EPHA7: variants seen among roughly 807,000 people sequenced by gnomAD.
EPHA7 encodes the protein EPH receptor A7, also known as ephrin type-A receptor 7.
EPHA7 carries 25 observed loss-of-function variants against 112.6 expected under a neutral mutation model. The observed-to-expected ratio is 0.22, with a 90% confidence interval of 0.16 to 0.31. The LOEUF (loss-of-function observed/expected upper bound fraction) is 0.31, where lower values mean the gene tolerates loss of function less well. Among genes scored for constraint, EPHA7 ranks in the 10% least tolerant of loss-of-function variants. EPHA7 has a pLI of 1.00. For missense variants in EPHA7, 962 were observed against 1,212.6 expected, an observed-to-expected ratio of 0.79 and a Z score of 3.07; for synonymous variants, 437 against 406.5, an observed-to-expected ratio of 1.07 and a Z score of -0.90.
rs199838108 is a variant in EPHA7, at chr6:93,342,183, A to AT, written c.1324+14533dup. Among the ~76,000 whole-genome samples the AT allele has an allele frequency of 2.4e-3, 370 of 152,000 alleles. 10 individuals carry two copies. In the East Asian group the frequency reaches 0.066, roughly 27 times the overall value. On this transcript the variant is annotated intron_variant, in intron 5 of 16. Transcript: ENST00000369303. ...TCAGGTGACAGATAAATCAAAAGGC[A>AT]TTTTTTAAAAAGCCTACAGGTTAAC...
intron 1 of EPHA7, among the ~76,000 whole-genome samples, chr6:93,417,721 G>A (rs1779310354): frequency 6.6e-6 from 1 of 152,088 alleles, no homozygotes; most frequent in Admixed American, 6.5e-5. Flanking sequence ...CTAACGTCAG[G>A]GGAGTAGAAA....
intron 5 of EPHA7, among the ~76,000 whole-genome samples, chr6:93,286,197 T>A (rs1358478927): frequency 6.6e-6 from 1 of 152,106 alleles, no homozygotes. Context: ...AAATGTATTC[T>A]ACAGATGGGC....
chr6:93,275,425 A>G (rs1336847373), intron 5 of EPHA7, among the ~76,000 whole-genome samples: 1 of 151,998 alleles, frequency 6.6e-6, no homozygotes, highest in Non-Finnish European at 1.5e-5. Flanking sequence ...TAGAGTTTCT[A>G]GAAGTATTCA....
Position 93,240,235 on chromosome 6 carries a change from T to A in EPHA7, c.*3191A>T, listed in dbSNP as rs969617412. ...AGCACATCTCGCCCCGAGTTCCCCA[T>A]GATTTCTCCACATATAGCAAAAAAA... On this transcript the variant is annotated 3_prime_UTR_variant, in exon 17 of 17. Coordinates refer to ENST00000369303, the MANE Select transcript of EPHA7 (RefSeq NM_004440.4). 8.9e-6 allele frequency: 2 copies of A among 223,994 alleles called. No individual in the cohort carries two copies. Among genetic ancestry groups the A allele is most frequent in the Non-Finnish European group, 1.8e-5 (2 of 112,350 alleles). The allele number at this position is 223,994 out of a possible 1,614,324, so 13.9% of individuals were successfully genotyped here.
intron 5 of EPHA7, among the ~76,000 whole-genome samples, chr6:93,299,651 A>G (rs1772869254): frequency 6.6e-6 from 1 of 152,224 alleles, no homozygotes; most frequent in South Asian, 2.1e-4. Flanking sequence ...CCAGAGGAAT[A>G]TAAATCTTTC....
intron 3 of EPHA7, among the ~76,000 whole-genome samples, chr6:93,393,970 A>G (rs929806114): frequency 3.3e-5 from 5 of 151,802 alleles, no homozygotes; most frequent in Admixed American, 1.3e-4. Flanking sequence ...GTTAAACTAG[A>G]CTGTGTAGAT....
intron 5 of EPHA7, among the ~76,000 whole-genome samples, chr6:93,301,735 A>G (rs1373268149): frequency 6.6e-6 from 1 of 152,182 alleles, no homozygotes; most frequent in Non-Finnish European, 1.5e-5. Flanking sequence ...CTATACTTAC[A>G]GCATAGTGAA....
chr6:93,350,740 C>T (rs1329593774), intron 5 of EPHA7, among the ~76,000 whole-genome samples: 3 of 151,946 alleles, frequency 2.0e-5, no homozygotes, highest in East Asian at 3.9e-4. Flanking sequence ...TAACACTAGG[C>T]AGGAATTTTT....
intron 3 of EPHA7, among the ~76,000 whole-genome samples, chr6:93,405,799 GTGTGTGTGTGTGTGTA>G (rs1281967710): frequency 1.9e-4 from 13 of 68,866 alleles, no homozygotes; most frequent in East Asian, 1.0e-3. Flanking sequence ...GTGTGTGTGT[GTGTGTGTGTGTGTGTA>G]TATATATATA....
At chr6:93,309,775 A>G (rs1025966396) in intron 5 of EPHA7, among the ~76,000 whole-genome samples, 5 of 152,188 alleles carry the variant, frequency 3.3e-5, no homozygotes, top group Non-Finnish European at 7.4e-5. Flanking sequence ...AGAGACTAGC[A>G]AGTAAAAGCA....
chr6:93,405,850 T>TATATATATAA (rs1469158388), intron 3 of EPHA7, among the ~76,000 whole-genome samples: 13 of 121,338 alleles, frequency 1.1e-4, no homozygotes, highest in Non-Finnish European at 1.8e-4. Context: ...TATATATATA[T>TATATATATAA]AAATGATTAT....
intron 3 of EPHA7, among the ~76,000 whole-genome samples, chr6:93,372,643 C>G (rs1776858602): frequency 6.6e-6 from 1 of 152,030 alleles, no homozygotes. Flanking sequence ...ATTGTTATTT[C>G]CATTACATCT....
Position 93,382,721 on chromosome 6 carries a change from T to A in EPHA7, c.833-24310A>T, listed in dbSNP as rs546146865. ...AGCGATACAATGAGATCCTACTCGC[T>A]CCATGTGGGTGTCCGTGAAAAACTC... On this transcript the variant is annotated intron_variant, in intron 3 of 16. Transcript: ENST00000369303. Among the ~76,000 whole-genome samples, 5 of 152,212 alleles carry A rather than the reference T, an allele frequency of 3.3e-5. No homozygotes were observed. In the South Asian group the frequency reaches 1.0e-3, roughly 32 times the overall value.
chr6:93,353,637 C>T (rs1299592972), intron 5 of EPHA7, among the ~76,000 whole-genome samples: 2 of 152,138 alleles, frequency 1.3e-5, no homozygotes, highest in African/African-American at 4.8e-5. Context: ...TTGCTATTCA[C>T]TGCATTAGCA....
At chr6:93,393,288 G>A (rs536123933) in intron 3 of EPHA7, among the ~76,000 whole-genome samples, 25 of 151,902 alleles carry the variant, frequency 1.6e-4, no homozygotes, top group Non-Finnish European at 3.5e-4. Context: ...GTGACTTTAG[G>A]AATTGTTTGG....
chr6:93,392,199 T>A (rs1489136444), intron 3 of EPHA7, among the ~76,000 whole-genome samples: 2 of 151,896 alleles, frequency 1.3e-5, no homozygotes, highest in Non-Finnish European at 2.9e-5. Context: ...ACTCCAGAGA[T>A]CTGCAGGCGT....
intron 7 of EPHA7, among the ~76,000 whole-genome samples, chr6:93,265,976 C>T (rs575347868): frequency 6.6e-6 from 1 of 151,656 alleles, no homozygotes; most frequent in Admixed American, 6.6e-5. Context: ...TGTTGAAAAA[C>T]AGGAAAAATC....
At position 93,359,876 on chromosome 6, in the gene EPHA7, GATAGATAGATAGATAGATAGAT is replaced by G. The variant is rs1300351657; in HGVS notation, c.833-1487_833-1466del. ...TGATAGAGAGAGAGAGAGAGAGAGA[GATAGATAGATAGATAGATAGAT>G]AGATAGATAGATAGATAGATAGAGA... On this transcript the variant is annotated intron_variant, in intron 3 of 16. Transcript: ENST00000369303. 1.4e-4 allele frequency among the ~76,000 whole-genome samples: 15 copies of G among 108,570 alleles called. No homozygotes were observed. In the East Asian group the frequency reaches 3.5e-3, roughly 25 times the overall value. The allele number at this position is 108,570 out of a possible 152,430, so 71.2% of individuals were successfully genotyped here. A position where few individuals can be genotyped will look rare whatever the true frequency, so the allele number is the denominator to read the frequency against.
intron 5 of EPHA7, among the ~76,000 whole-genome samples, chr6:93,321,414 ATC>A (rs1774067644): frequency 6.6e-6 from 1 of 151,910 alleles, no homozygotes; most frequent in Non-Finnish European, 1.5e-5. Context: ...CTGCATATGT[ATC>A]TCTGTCTCAG....
Sources: gnomAD v4.1 joint callset for allele counts (sites outside exome capture counted in the v4.1 genomes callset) on GRCh38, gnomAD v4.1.1 for gene constraint, MANE v1.5 for transcripts, NCBI Gene and HGNC (gene_info 2026-07-23, HGNC 2026-07-21) for gene names.